Variants in JAM2 observed in about 807,000 individuals in gnomAD.
The protein encoded by JAM2 is junctional adhesion molecule B.
JAM2 carries 17 observed loss-of-function variants against 42.0 expected under a neutral mutation model. The observed-to-expected ratio is 0.40, with a 90% CI of 0.28 to 0.61. JAM2 has a LOEUF of 0.61. JAM2 is among the 20% of genes least tolerant of loss of function. The probability of loss-of-function intolerance (pLI) is 0.37; values close to 1 mark genes in which losing one functional copy is unlikely to be tolerated. For synonymous variants in JAM2, 118 were observed against 128.6 expected (o/e 0.92, Z 0.56); for missense variants, 319 against 358.3 (o/e 0.89, Z 0.89).
intron 1 of JAM2, among the ~76,000 whole-genome samples, chr21:25,681,961 G>A (rs937083786): frequency 2.0e-5 from 3 of 152,174 alleles, no homozygotes; most frequent in Non-Finnish European, 4.4e-5. Flanking sequence ...CAGCCTGGGT[G>A]ACAGAGCGAG....
At chr21:25,645,561 T>G (rs978799237) in intron 1 of JAM2, among the ~76,000 whole-genome samples, 4 of 152,202 alleles carry the variant, frequency 2.6e-5, no homozygotes, top group Admixed American at 1.3e-4. Context: ...GGCAATTGCT[T>G]GTGTAAGTAC....
chr21:25,655,045 A>G (rs1488347476), intron 1 of JAM2, among the ~76,000 whole-genome samples: 3 of 152,334 alleles, frequency 2.0e-5, no homozygotes, highest in African/African-American at 7.2e-5. Flanking sequence ...TTAAATTATA[A>G]CAAGGAATTA....
chr21:25,661,055 T>C (rs1273194783), intron 1 of JAM2, among the ~76,000 whole-genome samples: 1 of 151,926 alleles, frequency 6.6e-6, no homozygotes, highest in East Asian at 1.9e-4. Context: ...CCTCCCAGAA[T>C]GCTGGGATTA....
chr21:25,643,302 T>TG (rs2032500075), intron 1 of JAM2, among the ~76,000 whole-genome samples: 2 of 152,192 alleles, frequency 1.3e-5, no homozygotes, highest in African/African-American at 4.8e-5. Context: ...CCGTGTTTGG[T>TG]GGGGTGTTGT....
chr21:25,682,242 T>A (rs1193915277), intron 1 of JAM2, among the ~76,000 whole-genome samples: 1 of 152,244 alleles, frequency 6.6e-6, no homozygotes, highest in African/African-American at 2.4e-5. Context: ...GTATTTAAAT[T>A]ATTTTTAAAC....
At chr21:25,659,717 G>C (rs1263323688) in intron 1 of JAM2, among the ~76,000 whole-genome samples, 1 of 152,124 alleles carries the variant, frequency 6.6e-6, no homozygotes, top group Non-Finnish European at 1.5e-5. Context: ...GGATCAAAGA[G>C]CTTTAAGATC....
At chr21:25,669,361 A>C (rs1440339604) in intron 1 of JAM2, among the ~76,000 whole-genome samples, 28 of 149,568 alleles carry the variant, frequency 1.9e-4, no homozygotes, top group Admixed American at 9.4e-4. Flanking sequence ...AACAGAGTGA[A>C]ACCCTGTCTC....
chr21:25,694,374 T>C (rs2033950414), intron 4 of JAM2, among the ~76,000 whole-genome samples: 2 of 152,184 alleles, frequency 1.3e-5, no homozygotes, highest in Admixed American at 6.5e-5. Context: ...TGTTAGCCCT[T>C]TTCACATAAG....
intron 1 of JAM2, among the ~76,000 whole-genome samples, chr21:25,640,662 GT>G (rs1047880237): frequency 2.0e-5 from 3 of 152,150 alleles, no homozygotes; most frequent in Non-Finnish European, 2.9e-5. Flanking sequence ...CCGTTATTTT[GT>G]TTTCTTCGCG....
At chr21:25,706,674 TGC>T (rs1353192433) in intron 7 of JAM2, among the ~76,000 whole-genome samples, 1 of 152,232 alleles carries the variant, frequency 6.6e-6, no homozygotes, top group Non-Finnish European at 1.5e-5. Flanking sequence ...AGTGGTGCAG[TGC>T]AGCGAGACAG....
intron 1 of JAM2, among the ~76,000 whole-genome samples, chr21:25,641,046 C>G (rs4816260): frequency 0.65 from 98,805 of 151,994 alleles, 33,049 homozygotes; most frequent in Non-Finnish European, 0.74. Flanking sequence ...TTGTCTCAGG[C>G]AAGGGACATG....
intron 1 of JAM2, among the ~76,000 whole-genome samples, chr21:25,650,584 A>G (rs1258154022): frequency 3.9e-5 from 6 of 152,252 alleles, no homozygotes; most frequent in Admixed American, 3.9e-4. Context: ...AAAAGAGGAT[A>G]TGTCCTGACG....
At chr21:25,658,180 C>T (rs994269328) in intron 1 of JAM2, among the ~76,000 whole-genome samples, 6 of 151,928 alleles carry the variant, frequency 3.9e-5, no homozygotes, top group African/African-American at 1.5e-4. Context: ...AAGTAGAATC[C>T]AGAAGACATT....
At chr21:25,668,322 G>A (rs1467304364) in intron 1 of JAM2, among the ~76,000 whole-genome samples, 1 of 152,226 alleles carries the variant, frequency 6.6e-6, no homozygotes, top group Non-Finnish European at 1.5e-5. Context: ...TCTAGTGGAT[G>A]TGTTGAGATT....
chr21:25,678,960 C>T (rs1189340576), intron 1 of JAM2, among the ~76,000 whole-genome samples: 1 of 152,172 alleles, frequency 6.6e-6, no homozygotes, highest in Non-Finnish European at 1.5e-5. Flanking sequence ...CTACCACACC[C>T]AGATAATTTT....
chr21:25,670,635 C>G (rs1326909560), intron 1 of JAM2, among the ~76,000 whole-genome samples: 1 of 152,032 alleles, frequency 6.6e-6, no homozygotes, highest in African/African-American at 2.4e-5. Flanking sequence ...GTTCACTGAT[C>G]CTAAAAAAGT....
intron 1 of JAM2, among the ~76,000 whole-genome samples, chr21:25,674,750 C>T (rs1266734922): frequency 3.3e-5 from 5 of 149,778 alleles, no homozygotes; most frequent in African/African-American, 1.2e-4. Context: ...ATGTGTCTGC[C>T]TCTTTTTCTT....
intron 1 of JAM2, among the ~76,000 whole-genome samples, chr21:25,658,260 C>T (rs1430049696): frequency 6.6e-6 from 1 of 152,048 alleles, no homozygotes; most frequent in Admixed American, 6.6e-5. Flanking sequence ...AAAACAGTAA[C>T]TCCAAGGTTG....
intron 1 of JAM2, among the ~76,000 whole-genome samples, chr21:25,665,364 A>G: frequency 6.6e-6 from 1 of 152,238 alleles, no homozygotes; most frequent in African/African-American, 2.4e-5. Flanking sequence ...CTGTATTGCC[A>G]GACCTCCAAA....
Sources: allele counts gnomAD v4.1 joint callset (sites outside exome capture counted in the v4.1 genomes callset), GRCh38; gene constraint gnomAD v4.1.1; transcripts MANE v1.5; gene names NCBI Gene and HGNC (gene_info 2026-07-23, HGNC 2026-07-21).